ATAD5: variants seen among roughly 807,000 people sequenced by gnomAD.
ATAD5 encodes ATPase family AAA domain-containing protein 5.
Under a neutral mutation model 176.9 loss-of-function variants are expected in ATAD5, and 58 were observed. The observed-to-expected ratio is 0.33, with a 90% CI of 0.27 to 0.41. The LOEUF (loss-of-function observed/expected upper bound fraction) is 0.41. Among genes scored for constraint, ATAD5 ranks in the 10% least tolerant of loss-of-function variants. The pLI is 1.00. For missense variants in ATAD5, 1,789 were observed against 2,094.1 expected (o/e 0.85, Z 2.84); for synonymous variants, 640 against 712.6 (o/e 0.90, Z 1.62).
At chr17:30,865,355 G>T (rs1405755812) in intron 10 of ATAD5, among the ~76,000 whole-genome samples, 1 of 151,930 alleles carries the variant, frequency 6.6e-6, no homozygotes, top group African/African-American at 2.4e-5. Flanking sequence ...TGTACTTTTA[G>T]TAGAGACGGG....
chr17:30,838,196 A>C (rs1036569092), intron 3 of ATAD5, among the ~76,000 whole-genome samples: 2 of 152,240 alleles, frequency 1.3e-5, no homozygotes, highest in Non-Finnish European at 2.9e-5. Context: ...AGTAAGATAC[A>C]TAAGAATGGT....
intron 19 of ATAD5, among the ~76,000 whole-genome samples, chr17:30,889,318 C>A (rs1034653123): frequency 2.0e-5 from 3 of 151,078 alleles, no homozygotes; most frequent in African/African-American, 7.3e-5. Context: ...CTGTGTTCAG[C>A]TTCCTCCCCA....
In ATAD5 at chr17:30,835,637, G is replaced by A. The variant is rs982783377; in HGVS notation, c.1556G>A (p.Ser519Asn). 2.5e-6 allele frequency: 4 copies of A among 1,606,692 alleles called. No individual in the cohort carries two copies. Among genetic ancestry groups the A allele is most frequent in the Non-Finnish European group, 3.4e-6 (4 of 1,177,832 alleles). The change falls in exon 2 of 23, where the codon AGT becomes AAT. Residue 519 changes from serine to asparagine, a missense_variant. Around this residue, in one of 6 missense-constraint regions of ATAD5, gnomAD observed 696 missense variants for 712.5 expected, o/e 0.98. Transcript: ENST00000321990. Reference protein sequence around the residue: ...LKEKQYQNRMSLRQRKTEFFK... With the variant: ...LKEKQYQNRMNLRQRKTEFFK... Reference sequence around the variant, plus strand: ...GAGAAACAATATCAAAATAGAATGAGTTTAAGACAAAGGAAAACAGAGTTT... The same window carrying A: ...GAGAAACAATATCAAAATAGAATGAATTTAAGACAAAGGAAAACAGAGTTT...
intron 17 of ATAD5, among the ~76,000 whole-genome samples, chr17:30,878,729 T>TTTGTTTTTTG (rs1380463365): frequency 1.0e-5 from 1 of 95,890 alleles, no homozygotes; most frequent in African/African-American, 3.9e-5. Context: ...TTTTTTTTTT[T>TTTGTTTTTTG]TTTTTTTTTT....
Position 30,893,475 on chromosome 17 carries a change from C to G in ATAD5, c.4622C>G (p.Thr1541Arg). 1.2e-6 allele frequency: 2 copies of G among 1,612,848 alleles called. No homozygotes were observed. Among genetic ancestry groups the G allele is most frequent in the Non-Finnish European group, 1.7e-6 (2 of 1,179,642 alleles). Residue 1541 changes from threonine to arginine, a missense_variant, in exon 21 of 23, where the codon ACA (threonine) becomes AGA (arginine). Around this residue, in one of 6 missense-constraint regions of ATAD5, gnomAD observed 403 missense variants for 495.1 expected, o/e 0.81. Coordinates refer to ENST00000321990, the MANE Select transcript of ATAD5 (RefSeq NM_024857.5). ...GTAACTGTGGATGCCAGTGCAGCAA[C>G]AAAAAGTATGAATTGTCTTGCTAGG... ...PSVTVDASAA[T>R]KSMNCLARKH...
rs747501372 is a variant in ATAD5 at position 30,893,685 on chromosome 17, G to C, written c.4832G>C (p.Ser1611Thr). The C allele has an allele frequency of 6.2e-7, 1 of 1,613,248 alleles. No homozygotes were observed. Among genetic ancestry groups the C allele is most frequent in the South Asian group, 1.1e-5 (1 of 90,916 alleles). The change falls in exon 21 of 23, where the codon AGC (serine) becomes ACC (threonine). Residue 1611 changes from serine to threonine, a missense_variant. Transcript: ENST00000321990. ...AEESKTGDEE[S>T]KARDKGNNPE... is the part of the protein sequence containing the mutation. The stretch of plus-strand genomic sequence containing the variant: ...GAAAGCAAAACCGGAGACGAAGAAA[G>C]CAAAGCCAGAGACAAAGGAAACAAT...
chr17:30,886,372 TTTTATTTATTTATTTATTTATTTA>T lies in ATAD5; in HGVS notation c.4078-800_4078-777del, dbSNP rs138195442. 4.8e-5 allele frequency among the ~76,000 whole-genome samples: 7 copies of T among 146,560 alleles called. No homozygotes were observed. The South Asian group carries it at 1.5e-3, about 31-fold the overall frequency. Reference sequence around the variant, plus strand: ...GGAAAATCTTTGATAAATTGAATTATTTTATTTATTTATTTATTTATTTATTTATTTATTTATTTATTTTCGAGA... The same window carrying T: ...GGAAAATCTTTGATAAATTGAATTATTTTATTTATTTATTTATTTTCGAGA... On this transcript the variant is annotated intron_variant, in intron 18 of 22. Transcript: ENST00000321990.
At chr17:30,868,907 G>A (rs1309074579) in intron 12 of ATAD5, among the ~76,000 whole-genome samples, 1 of 149,872 alleles carries the variant, frequency 6.7e-6, no homozygotes, top group African/African-American at 2.5e-5. Flanking sequence ...TGTGATCTCG[G>A]CTAACTGCAA....
intron 6 of ATAD5, among the ~76,000 whole-genome samples, chr17:30,846,928 G>A (rs1007811401): frequency 1.3e-5 from 2 of 151,202 alleles, no homozygotes; most frequent in Non-Finnish European, 2.9e-5. Context: ...CATGTTGGTC[G>A]GGCTGGTCTC....
chr17:30,857,084 A>G lies in ATAD5; in HGVS notation c.2765A>G (p.Lys922Arg), dbSNP rs1907331651. 6.2e-7 allele frequency: 1 copy of G among 1,611,652 alleles called. No homozygotes were observed. The highest frequency in any genetic ancestry group is 1.3e-5 in the African/African-American group (1 of 74,802). Reference sequence around the variant, plus strand: ...GGTGAATTTTCAACATTGAATTCAAAGTTGAAAAGCGGTAACTCTGCTGCT... The same window carrying G: ...GGTGAATTTTCAACATTGAATTCAAGGTTGAAAAGCGGTAACTCTGCTGCT... ...ALGEFSTLNS[K>R]LKSGNSAAVF... is the part of the protein sequence containing the mutation. Residue 922 changes from lysine (K) to arginine (R), a missense_variant, in exon 8 of 23, where the codon AAG (lysine) becomes AGG (arginine). Around this residue, in one of 6 missense-constraint regions of ATAD5, gnomAD observed 487 missense variants for 573.6 expected, o/e 0.85. Coordinates refer to ENST00000321990, the MANE Select transcript of ATAD5 (RefSeq NM_024857.5).
chr17:30,837,123 C>A, intron 2 of ATAD5, 83 bp from the exon 3 acceptor site: 1 of 776,212 alleles, frequency 1.3e-6, no homozygotes, highest in South Asian at 2.1e-5. Context: ...ACTGCACCAG[C>A]TCTATTTTAT....
chr17:30,864,345 CTATT>C (rs1028626037), intron 10 of ATAD5: 3 of 152,046 alleles, frequency 2.0e-5, no homozygotes, highest in African/African-American at 7.2e-5. Flanking sequence ...AAGAAAAAAA[CTATT>C]TATTTTTAAT....
chr17:30,878,356 T>C (rs1281545085), intron 17 of ATAD5, among the ~76,000 whole-genome samples: 1 of 152,114 alleles, frequency 6.6e-6, no homozygotes, highest in Admixed American at 6.6e-5. Context: ...TATAATCAGA[T>C]CACTAAATCT....
At chr17:30,872,201 C>T (rs1019040494) in intron 14 of ATAD5, among the ~76,000 whole-genome samples, 1 of 152,124 alleles carries the variant, frequency 6.6e-6, no homozygotes, top group Admixed American at 6.6e-5. Context: ...AAGTGTGAGC[C>T]GTCACCACGC....
intron 19 of ATAD5, among the ~76,000 whole-genome samples, chr17:30,890,531 C>T (rs1053931690): frequency 1.4e-4 from 21 of 149,040 alleles, no homozygotes; most frequent in African/African-American, 4.7e-4. Context: ...AAGGGATTCT[C>T]CTGCCTCAGC....
At chr17:30,874,548 C>CA (rs1298663817) in intron 14 of ATAD5, among the ~76,000 whole-genome samples, 24,121 of 70,248 alleles carry the variant, frequency 0.34, 3,992 homozygotes, top group Non-Finnish European at 0.38. Flanking sequence ...TCAAAAGAAA[C>CA]AAAAAAAAAA....
intron 6 of ATAD5, among the ~76,000 whole-genome samples, chr17:30,852,360 C>T (rs1371116286): frequency 1.3e-5 from 2 of 152,102 alleles, no homozygotes; most frequent in Non-Finnish European, 2.9e-5. Context: ...ATTTTACTTG[C>T]CTTGTCTCAG....
intron 12 of ATAD5, 140 bp from the exon 13 acceptor site, chr17:30,869,108 G>T (rs749569416): frequency 9.4e-6 from 9 of 956,544 alleles, no homozygotes; most frequent in Non-Finnish European, 1.4e-5. Flanking sequence ...TTACAGGCAT[G>T]TGCCACTGCG....
rs561926642 is a variant in ATAD5, at chr17:30,852,438, A to T, written c.2451-2705A>T. Among the ~76,000 whole-genome samples, 299 of 152,312 alleles carry T rather than the reference A, an allele frequency of 2.0e-3. 1 individual carries two copies. The highest frequency in any genetic ancestry group is 6.8e-3 in the African/African-American group (283 of 41,578). On this transcript the variant is annotated intron_variant, in intron 6 of 22. Coordinates refer to ENST00000321990, the MANE Select transcript of ATAD5 (RefSeq NM_024857.5). ...CGTGGAGGATGGTATTTAGAGACGA[A>T]GGTCTAGCATTAAATTCATTGCTCC...
Sources: allele counts gnomAD v4.1 joint callset (sites outside exome capture counted in the v4.1 genomes callset), GRCh38; gene constraint gnomAD v4.1.1; regional missense constraint gnomAD v4.1.1; transcripts MANE v1.5; gene names NCBI Gene and HGNC (gene_info 2026-07-23, HGNC 2026-07-21).